TRMT9B: variants seen among roughly 807,000 people sequenced by gnomAD.
The protein encoded by TRMT9B is probable tRNA methyltransferase 9B.
In TRMT9B, 16 loss-of-function variants were observed where a neutral mutation model predicts 11.5. The observed-to-expected ratio is 1.39, with a 90% confidence interval of 0.94 to 2.11. TRMT9B has a LOEUF of 2.11. TRMT9B is among the 30% of genes most tolerant of loss of function. TRMT9B has a pLI of 0.00. For missense variants in TRMT9B, 941 were observed against 553.8 expected (o/e 1.70, Z -7.02); for synonymous variants, 274 against 192.4 (o/e 1.42, Z -3.51).
chr8:12,978,765 T>G (rs552966658), intron 1 of TRMT9B, among the ~76,000 whole-genome samples: 1 of 152,202 alleles, frequency 6.6e-6, no homozygotes, highest in African/African-American at 2.4e-5. Flanking sequence ...AGGTTTTGAT[T>G]TGACAGATGA....
In TRMT9B at chr8:12,995,219, T is replaced by C. The variant is rs943831829; in HGVS notation, c.-2+4188T>C. The stretch of plus-strand genomic sequence containing the variant: ...TAACCTTTGGCATTATTTTGGGTTT[T>C]AGTTTCTTAACACAAAGCTTCAAGC... On this transcript the variant is annotated intron_variant, in intron 2 of 4. Coordinates refer to ENST00000524591, the MANE Select transcript of TRMT9B (RefSeq NM_020844.3). 6.6e-5 allele frequency among the ~76,000 whole-genome samples: 10 copies of C among 152,350 alleles called. No homozygotes were observed. In the East Asian group the frequency reaches 1.9e-3, roughly 29 times the overall value.
In TRMT9B at chr8:13,003,195, A is replaced by G. The variant is rs371372391; in HGVS notation, c.-1-3007A>G. ...CTATGTGATCCCTGTAGAGGTATGC[A>G]TGGGATGCAATAGCTGATAGCCATC... On this transcript the variant is annotated intron_variant, in intron 2 of 4. Transcript: ENST00000524591. Among the ~76,000 whole-genome samples, 30 of 152,310 alleles carry G rather than the reference A, an allele frequency of 2.0e-4. No individual in the cohort carries two copies. In the East Asian group the frequency reaches 2.7e-3, roughly 14 times the overall value.
intron 1 of TRMT9B, among the ~76,000 whole-genome samples, chr8:12,985,773 T>A (rs1806189227): frequency 1.3e-5 from 2 of 152,212 alleles, no homozygotes; most frequent in African/African-American, 4.8e-5. Flanking sequence ...CTCCTCTAGT[T>A]TCATTTATTT....
intron 4 of TRMT9B, among the ~76,000 whole-genome samples, chr8:13,016,834 G>A (rs968898728): frequency 1.3e-5 from 2 of 148,886 alleles, no homozygotes; most frequent in East Asian, 2.0e-4. Flanking sequence ...ATGTATGTAC[G>A]TGTAATATCA....
intron 4 of TRMT9B, among the ~76,000 whole-genome samples, chr8:13,016,693 C>T (rs1278029002): frequency 6.6e-6 from 1 of 151,724 alleles, no homozygotes; most frequent in Non-Finnish European, 1.5e-5. Flanking sequence ...GGCGCATTAA[C>T]ATAGGAGCAA....
chr8:12,976,666 G>A (rs1243598392), intron 1 of TRMT9B, among the ~76,000 whole-genome samples: 1 of 152,190 alleles, frequency 6.6e-6, no homozygotes, highest in Non-Finnish European at 1.5e-5. Context: ...TGTTACTGAA[G>A]AGAGTTTAGT....
At position 13,021,483 on chromosome 8, in the gene TRMT9B, A is replaced by C. The variant is rs369499088; in HGVS notation, c.804A>C (p.Val268=). The C allele has an allele frequency of 2.9e-5, 47 of 1,613,772 alleles. No homozygotes were observed. Among genetic ancestry groups the C allele is most frequent in the Non-Finnish European group, 4.0e-5 (47 of 1,179,798 alleles). ...CTCTGAGGAAGCAAATTGAAAGAGT[A>C]AGACCCTTGAAAAACACAGAAGTTT... ...ESTLRKQIER[V]RPLKNTEVWA... Residue 268 remains valine (V), a synonymous_variant, in exon 5 of 5, where the codon GTA becomes GTC. Coordinates refer to ENST00000524591, the MANE Select transcript of TRMT9B (RefSeq NM_020844.3).
intron 1 of TRMT9B, among the ~76,000 whole-genome samples, chr8:12,946,464 C>T (rs990823695): frequency 6.6e-6 from 1 of 152,094 alleles, no homozygotes; most frequent in South Asian, 2.1e-4. Context: ...AAGAATGTGC[C>T]AGGTGACTGG....
intron 1 of TRMT9B, among the ~76,000 whole-genome samples, chr8:12,990,052 G>A (rs1807053880): frequency 1.3e-5 from 2 of 152,206 alleles, no homozygotes; most frequent in African/African-American, 4.8e-5. Flanking sequence ...GCATCTCTGA[G>A]TAGAAAACCC....
chr8:13,004,313 G>A (rs565990107), intron 2 of TRMT9B, among the ~76,000 whole-genome samples: 29 of 151,970 alleles, frequency 1.9e-4, no homozygotes, highest in African/African-American at 6.0e-4. Context: ...AGGAGGGAAC[G>A]CCACTACTGA....
intron 2 of TRMT9B, among the ~76,000 whole-genome samples, chr8:13,004,240 G>A (rs994061511): frequency 6.6e-6 from 1 of 151,922 alleles, no homozygotes; most frequent in Non-Finnish European, 1.5e-5. Flanking sequence ...AGGCCCCAAG[G>A]ACTGCAGCTC....
chr8:13,015,542 G>C (rs2460337), intron 4 of TRMT9B, among the ~76,000 whole-genome samples: 1 of 145,562 alleles, frequency 6.9e-6, no homozygotes, highest in Non-Finnish European at 1.5e-5. Context: ...TTTTTGTAGA[G>C]ATGGGGTTGC....
intron 1 of TRMT9B, among the ~76,000 whole-genome samples, chr8:12,961,025 C>G (rs186984992): frequency 0.01 from 1,590 of 152,226 alleles, 11 homozygotes; most frequent in Non-Finnish European, 0.015. Flanking sequence ...CCTGTAGTCC[C>G]AGCTACTCGG....
intron 1 of TRMT9B, among the ~76,000 whole-genome samples, chr8:12,983,700 C>A (rs1805786079): frequency 6.6e-6 from 1 of 152,074 alleles, no homozygotes; most frequent in South Asian, 2.1e-4. Flanking sequence ...ACCCTTCTAG[C>A]AGAATGTCTC....
At chr8:12,952,789 G>C (rs1263921680) in intron 1 of TRMT9B, 1 of 582,242 alleles carries the variant, frequency 1.7e-6, no homozygotes, top group African/African-American at 2.0e-5. Context: ...ACCCAGGCTG[G>C]AGTGCAATGG....
intron 1 of TRMT9B, chr8:12,960,230 C>A (rs796749918): frequency 2.0e-5 from 3 of 152,228 alleles, no homozygotes; most frequent in Non-Finnish European, 4.4e-5. Context: ...CAGAGGAAAT[C>A]TGCTCATTTT....
Position 13,024,584 on chromosome 8 carries a change from C to T in TRMT9B, c.*2540C>T, listed in dbSNP as rs1401180051. On this transcript the variant is annotated 3_prime_UTR_variant, in exon 5 of 5. Coordinates refer to ENST00000524591, the MANE Select transcript of TRMT9B (RefSeq NM_020844.3). ...TGCTGCTAGCCTACCAGTTAAAAGT[C>T]AAGACTTGGTGGAACTCAGTTTACC... 6.0e-6 allele frequency: 1 copy of T among 167,072 alleles called. No individual in the cohort carries two copies. Among genetic ancestry groups the T allele is most frequent in the African/African-American group, 2.4e-5 (1 of 41,456 alleles). 10.3% of individuals were successfully genotyped at this position (167,072 alleles called of 1,614,324 possible). A position where few individuals can be genotyped will look rare whatever the true frequency, so the allele number is the denominator to read the frequency against.
intron 2 of TRMT9B, among the ~76,000 whole-genome samples, chr8:12,991,344 T>C (rs1204158038): frequency 6.6e-6 from 1 of 152,188 alleles, no homozygotes; most frequent in Non-Finnish European, 1.5e-5. Context: ...TTGGAAATGA[T>C]ATATAGATGT....
chr8:13,015,395 G>A (rs1812457052), intron 4 of TRMT9B, among the ~76,000 whole-genome samples: 1 of 151,854 alleles, frequency 6.6e-6, no homozygotes, highest in Admixed American at 6.6e-5. Flanking sequence ...TTTTTTATTG[G>A]TCTCACTCTT....
Sources: gnomAD v4.1 joint callset for allele counts (sites outside exome capture counted in the v4.1 genomes callset) on GRCh38, gnomAD v4.1.1 for gene constraint, MANE v1.5 for transcripts, NCBI Gene and HGNC (gene_info 2026-07-23, HGNC 2026-07-21) for gene names.